The following RBFOX1 variants were observed in gnomAD, a reference collection of about 807,000 sequenced individuals.
RBFOX1 encodes the protein RNA binding fox-1 homolog 1, also known as RNA binding protein fox-1 homolog 1.
A neutral mutation model predicts 57.7 loss-of-function variants in RBFOX1; 8 were observed. That is an observed-to-expected ratio of 0.14 (90% CI 0.08 to 0.25). The LOEUF is 0.25. Ranked by LOEUF, RBFOX1 falls within the 10% of genes least tolerant of loss-of-function variation. The pLI is 1.00. For missense variants in RBFOX1, 611 were observed against 548.5 expected (o/e 1.11, Z -1.14); for synonymous variants, 326 against 222.4 (o/e 1.47, Z -4.15).
intron 3 of RBFOX1, among the ~76,000 whole-genome samples, chr16:7,035,680 A>C (rs1478358552): frequency 1.3e-5 from 2 of 152,164 alleles, no homozygotes; most frequent in Non-Finnish European, 2.9e-5. Flanking sequence ...GATGATGATA[A>C]AGTAAACAGC....
At chr16:5,274,740 C>G (rs748935639) in intron 1 of RBFOX1, among the ~76,000 whole-genome samples, 3 of 152,200 alleles carry the variant, frequency 2.0e-5, no homozygotes, top group Non-Finnish European at 4.4e-5. Flanking sequence ...CTCTCAGTCC[C>G]TTGCATAGGC....
At position 7,101,950 on chromosome 16, in the gene RBFOX1, G is replaced by T. The variant is rs1167981913; in HGVS notation, c.27+49852G>T. Among the ~76,000 whole-genome samples the T allele has an allele frequency of 2.0e-5, 3 of 152,260 alleles. No individual in the cohort carries two copies. The East Asian group carries it at 5.8e-4, about 29-fold the overall frequency. On this transcript the variant is annotated intron_variant, in intron 4 of 15. Transcript: ENST00000550418. The stretch of plus-strand genomic sequence containing the variant: ...GCATAGTTGGTGCTCCTTTCACCAA[G>T]CCTTGTACCACAAGCCTAGTGCTGT...
chr16:5,724,766 C>T (rs1393138012), intron 3 of RBFOX1, among the ~76,000 whole-genome samples: 3 of 152,164 alleles, frequency 2.0e-5, no homozygotes, highest in African/African-American at 7.2e-5. Context: ...TACCTGGCAC[C>T]ATACTGGGTG....
chr16:6,934,328 T>A (rs1202181253), intron 3 of RBFOX1, among the ~76,000 whole-genome samples: 1 of 152,222 alleles, frequency 6.6e-6, no homozygotes, highest in African/African-American at 2.4e-5. Flanking sequence ...ATTTCTTTTA[T>A]CAATACAGAA....
chr16:5,782,870 C>T (rs531763756), intron 3 of RBFOX1, among the ~76,000 whole-genome samples: 1 of 152,166 alleles, frequency 6.6e-6, no homozygotes, highest in African/African-American at 2.4e-5. Context: ...TGTTTCAGCT[C>T]AAGCAGGGAT....
chr16:5,658,587 T>C (rs568531533), intron 3 of RBFOX1, among the ~76,000 whole-genome samples: 1 of 152,036 alleles, frequency 6.6e-6, no homozygotes. Flanking sequence ...CTCCCACTTA[T>C]AAGTGAGAAG....
rs574278511 is a variant in RBFOX1 at position 5,734,481 on chromosome 16, C to A, written c.319-132822C>A. 2.0e-5 allele frequency among the ~76,000 whole-genome samples: 3 copies of A among 152,274 alleles called. No homozygotes were observed. The South Asian group carries it at 6.2e-4, about 32-fold the overall frequency. On this transcript the variant is annotated intron_variant, in intron 3 of 19. Coordinates refer to the RBFOX1 transcript ENST00000641259. ...ACAGCACATGCTTTCATGCTTTAAT[C>A]CCCTCTGAAACCTGATTTCCTCTAA...
chr16:6,964,624 C>T (rs968735829), intron 3 of RBFOX1, among the ~76,000 whole-genome samples: 11 of 152,076 alleles, frequency 7.2e-5, no homozygotes, highest in African/African-American at 1.9e-4. Context: ...TAAAAAATAA[C>T]GTTAGTTTGA....
intron 2 of RBFOX1, among the ~76,000 whole-genome samples, chr16:6,637,849 C>T (rs1341831665): frequency 6.6e-6 from 1 of 152,016 alleles, no homozygotes; most frequent in Non-Finnish European, 1.5e-5. Flanking sequence ...GATTACAATT[C>T]TGAAACTCAT....
At chr16:6,640,602 C>T (rs1234424879) in intron 2 of RBFOX1, among the ~76,000 whole-genome samples, 1 of 150,868 alleles carries the variant, frequency 6.6e-6, no homozygotes, top group Non-Finnish European at 1.5e-5. Flanking sequence ...AGTAAGACTC[C>T]ATTGCCAAAT....
At chr16:6,762,862 C>A (rs894662076) in intron 3 of RBFOX1, among the ~76,000 whole-genome samples, 2 of 152,150 alleles carry the variant, frequency 1.3e-5, no homozygotes, top group African/African-American at 4.8e-5. Context: ...GGAGGTACCT[C>A]TCCTTGCCTT....
At chr16:7,574,891 G>A (rs539655570) in intron 5 of RBFOX1, among the ~76,000 whole-genome samples, 14 of 152,222 alleles carry the variant, frequency 9.2e-5, no homozygotes, top group East Asian at 1.9e-4. Flanking sequence ...TGAGAACTTC[G>A]TGCTGCCTGA....
At chr16:5,904,287 C>T (rs957895438) in intron 4 of RBFOX1, among the ~76,000 whole-genome samples, 1 of 152,114 alleles carries the variant, frequency 6.6e-6, no homozygotes, top group Non-Finnish European at 1.5e-5. Flanking sequence ...CTGCATGCCA[C>T]TTTACCTTGT....
intron 1 of RBFOX1, among the ~76,000 whole-genome samples, chr16:6,295,297 T>C (rs1297931484): frequency 1.3e-5 from 2 of 152,086 alleles, no homozygotes; most frequent in African/African-American, 2.4e-5. Flanking sequence ...CAAATTGTTT[T>C]GTATTTTTAG....
chr16:7,686,438 T>A (rs1484734176), intron 14 of RBFOX1, among the ~76,000 whole-genome samples: 3 of 152,064 alleles, frequency 2.0e-5, no homozygotes, highest in African/African-American at 7.2e-5. Context: ...ATTAGCTTTG[T>A]AGAAGAAATG....
Position 6,379,248 on chromosome 16 carries a change from G to T in RBFOX1, c.-64+62191G>T, listed in dbSNP as rs138099787. Reference sequence around the variant, plus strand: ...TGCATCAAATGGAGAATTCATCAGAGAGGCAATGGTACTCAAAACCATGAC... The same window carrying T: ...TGCATCAAATGGAGAATTCATCAGATAGGCAATGGTACTCAAAACCATGAC... On this transcript the variant is annotated intron_variant, in intron 2 of 15. Coordinates refer to ENST00000550418, the MANE Select transcript of RBFOX1 (RefSeq NM_018723.4). 3.6e-3 allele frequency among the ~76,000 whole-genome samples: 545 copies of T among 152,272 alleles called. 9 individuals carry two copies. Among genetic ancestry groups the T allele is most frequent in the Middle Eastern group, 0.02 (6 of 294 alleles).
chr16:5,596,272 T>G (rs1199905856), intron 2 of RBFOX1, among the ~76,000 whole-genome samples: 1 of 152,182 alleles, frequency 6.6e-6, no homozygotes, highest in African/African-American at 2.4e-5. Flanking sequence ...GGATACTGGT[T>G]GCCTAGATCC....
At chr16:5,825,502 C>T (rs1459481913) in intron 3 of RBFOX1, among the ~76,000 whole-genome samples, 4 of 152,190 alleles carry the variant, frequency 2.6e-5, no homozygotes, top group East Asian at 1.9e-4. Flanking sequence ...AATTTAGGAG[C>T]ATTCATAAAC....
chr16:5,984,157 T>C (rs1469467116), intron 4 of RBFOX1, among the ~76,000 whole-genome samples: 1 of 25,672 alleles, frequency 3.9e-5, no homozygotes, highest in African/African-American at 1.9e-4. Context: ...CCCCTCCCCC[T>C]CCTCCTCCTC....
Sources: allele counts gnomAD v4.1 joint callset (sites outside exome capture counted in the v4.1 genomes callset), GRCh38; gene constraint gnomAD v4.1.1; transcripts MANE v1.5; gene names NCBI Gene and HGNC (gene_info 2026-07-23, HGNC 2026-07-21).